Variants in GOLM1 observed in about 807,000 individuals in gnomAD.
The protein encoded by GOLM1 is golgi membrane protein 1.
In GOLM1, 31 loss-of-function variants were observed where a neutral mutation model predicts 50.5. That is an observed-to-expected ratio of 0.61 (90% CI 0.46 to 0.83). The LOEUF is 0.83. Ranked by LOEUF, GOLM1 falls within the 40% of genes least tolerant of loss-of-function variation. The pLI, the probability that GOLM1 is intolerant of heterozygous loss-of-function variation, is 0.00. For synonymous variants in GOLM1, 178 were observed against 192.8 expected, an observed-to-expected ratio of 0.92 and a Z score of 0.64; for missense variants, 491 against 501.3, an observed-to-expected ratio of 0.98 and a Z score of 0.20.
chr9:86,048,816 T>A (rs970723108), intron 4 of GOLM1, among the ~76,000 whole-genome samples: 8 of 152,208 alleles, frequency 5.3e-5, no homozygotes, highest in Admixed American at 5.2e-4. Context: ...TTTCTCCCAT[T>A]CTGTAGCTTG....
chr9:86,077,877 T>C, intron 2 of GOLM1: 2 of 396,288 alleles, frequency 5.0e-6, no homozygotes, highest in Non-Finnish European at 9.0e-6. Flanking sequence ...GAATGCCTCA[T>C]GCTTTACCTG....
intron 5 of GOLM1, 58 bp downstream of exon 5, chr9:86,046,412 C>A: frequency 2.0e-6 from 2 of 1,021,920 alleles, no homozygotes; most frequent in Non-Finnish European, 3.1e-6. Flanking sequence ...CAGCTTAATC[C>A]CCGCCTCCCA....
intron 3 of GOLM1, among the ~76,000 whole-genome samples, chr9:86,053,424 ACAC>A (rs139136002): frequency 0.12 from 13,048 of 111,948 alleles, 686 homozygotes; most frequent in Non-Finnish European, 0.15. Flanking sequence ...ACACCAAACC[ACAC>A]CACACCACAC....
At chr9:86,045,905 T>G (rs137874368) in intron 5 of GOLM1, among the ~76,000 whole-genome samples, 4 of 152,270 alleles carry the variant, frequency 2.6e-5, no homozygotes, top group African/African-American at 9.6e-5. Flanking sequence ...TATATTGTTT[T>G]TATGAGGAAA....
chr9:86,088,572 G>GTTTTGTTTTTTTTTTTT (rs1835065826), intron 1 of GOLM1, among the ~76,000 whole-genome samples: 1 of 108,818 alleles, frequency 9.2e-6, no homozygotes, highest in African/African-American at 4.8e-5. Context: ...TCCTGGTTTT[G>GTTTTGTTTTTTTTTTTT]TTTTTTTTTT....
chr9:86,065,779 C>T (rs543383191), intron 3 of GOLM1, among the ~76,000 whole-genome samples: 5 of 152,288 alleles, frequency 3.3e-5, no homozygotes, highest in South Asian at 4.1e-4. Flanking sequence ...CGGTGGCACA[C>T]ACCTGTAACC....
At chr9:86,098,961 A>G (rs1835440512) in intron 1 of GOLM1, among the ~76,000 whole-genome samples, 1 of 152,210 alleles carries the variant, frequency 6.6e-6, no homozygotes, top group Non-Finnish European at 1.5e-5. Flanking sequence ...AGGCGGCGGG[A>G]GCCGAGAGAC....
At chr9:86,068,246 A>T (rs978335909) in intron 3 of GOLM1, among the ~76,000 whole-genome samples, 2 of 152,190 alleles carry the variant, frequency 1.3e-5, no homozygotes, top group Admixed American at 1.3e-4. Context: ...ACTAGAAGCC[A>T]GAGAGGCGAG....
At chr9:86,056,208 A>G (rs1157390801) in intron 3 of GOLM1, among the ~76,000 whole-genome samples, 1 of 152,144 alleles carries the variant, frequency 6.6e-6, no homozygotes, top group Non-Finnish European at 1.5e-5. Flanking sequence ...TGAAATATCT[A>G]AAGATACTTC....
chr9:86,037,450 A>AG, intron 6 of GOLM1, among the ~76,000 whole-genome samples: 1 of 151,980 alleles, frequency 6.6e-6, no homozygotes, highest in East Asian at 1.9e-4. Context: ...AAAAAAAAAA[A>AG]AAAAAAAAGA....
intron 5 of GOLM1, among the ~76,000 whole-genome samples, chr9:86,045,802 G>A (rs777971364): frequency 6.6e-6 from 1 of 152,112 alleles, no homozygotes; most frequent in African/African-American, 2.4e-5. Context: ...GGCATGGACT[G>A]GAGAGAGGTA....
At chr9:86,086,651 A>C (rs1206563923) in intron 1 of GOLM1, among the ~76,000 whole-genome samples, 1 of 152,188 alleles carries the variant, frequency 6.6e-6, no homozygotes, top group Non-Finnish European at 1.5e-5. Flanking sequence ...GAAGAGGTCC[A>C]GTTTCAGTTT....
At chr9:86,098,150 A>C (rs1835409563) in intron 1 of GOLM1, among the ~76,000 whole-genome samples, 1 of 152,220 alleles carries the variant, frequency 6.6e-6, no homozygotes, top group Admixed American at 6.5e-5. Context: ...CTTTTCTTTA[A>C]CCATCCTAAC....
chr9:86,043,778 C>T (rs1833440378), intron 5 of GOLM1, among the ~76,000 whole-genome samples: 1 of 152,152 alleles, frequency 6.6e-6, no homozygotes, highest in South Asian at 2.1e-4. Context: ...AGGTGTCCAC[C>T]CATCGCCTCG....
intron 9 of GOLM1, 126 bp from the exon 10 acceptor site, chr9:86,028,019 T>C (rs1832839143): frequency 1.6e-6 from 1 of 609,120 alleles, no homozygotes; most frequent in African/African-American, 1.9e-5. Flanking sequence ...ACAGCAACAC[T>C]GTAATTGGGA....
At position 86,035,193 on chromosome 9, in the gene GOLM1, TC is replaced by T. The variant is rs1448321834; in HGVS notation, c.1015+174del. On this transcript the variant is annotated intron_variant, in intron 8 of 9. Coordinates refer to ENST00000388712, the MANE Select transcript of GOLM1 (RefSeq NM_016548.4). Reference sequence around the variant, plus strand: ...TTCTAGAGCATATGCTGCTCTTCCTTCCTGCCTCCCTCTTGATAACGAATAA... The same window carrying T: ...TTCTAGAGCATATGCTGCTCTTCCTTCTGCCTCCCTCTTGATAACGAATAA... The T allele has an allele frequency of 1.4e-5, 14 of 985,372 alleles. No individual in the cohort carries two copies. In the East Asian group the frequency reaches 7.9e-4, roughly 56 times the overall value. The allele number at this position is 985,372 out of a possible 1,614,324, so 61.0% of individuals were successfully genotyped here.
chr9:86,071,767 C>T (rs1179676825), intron 3 of GOLM1, among the ~76,000 whole-genome samples: 4 of 152,052 alleles, frequency 2.6e-5, no homozygotes, highest in Admixed American at 2.0e-4. Flanking sequence ...AGACGTGGGT[C>T]ATTATCCACT....
chr9:86,033,371 CCT>C lies in GOLM1; in HGVS notation c.1038_1039del (p.Gly347ArgfsTer3), dbSNP rs1162673649. 9.3e-6 allele frequency: 15 copies of C among 1,610,778 alleles called. No homozygotes were observed. Among genetic ancestry groups the C allele is most frequent in the Admixed American group, 1.7e-5 (1 of 60,002 alleles). On this transcript the variant is annotated frameshift_variant, in exon 9 of 10. Coordinates refer to ENST00000388712, the MANE Select transcript of GOLM1 (RefSeq NM_016548.4). LOFTEE classifies it high-confidence loss of function. ...TTCATCCATGTTGTAGTCATCTTCT[CCT>C]CTCAGTTTCTGCTGGTTTCTCCCTG... is the stretch of plus-strand genomic sequence containing the variant.
In GOLM1 at chr9:86,027,217, TTC is replaced by T. The variant is rs1832812572; in HGVS notation, c.*598_*599del. 1 of 985,326 alleles carries T rather than the reference TTC, an allele frequency of 1.0e-6. No individual in the cohort carries two copies. Among genetic ancestry groups the T allele is most frequent in the African/African-American group, 1.7e-5 (1 of 57,240 alleles). 61.0% of individuals were successfully genotyped at this position (985,326 alleles called of 1,614,324 possible). ...ATTATACAAGTAGCCTTTTAAAAAA[TTC>T]TCACACAGAACAGCTTTGTATTTAG... On this transcript the variant is annotated 3_prime_UTR_variant, in exon 10 of 10. Transcript: ENST00000388712.
Sources: allele counts gnomAD v4.1 joint callset (sites outside exome capture counted in the v4.1 genomes callset), GRCh38; gene constraint gnomAD v4.1.1; transcripts MANE v1.5; gene names NCBI Gene and HGNC (gene_info 2026-07-23, HGNC 2026-07-21).